The following SLC1A6 variants were observed in gnomAD, a reference collection of about 807,000 sequenced individuals.
The protein encoded by SLC1A6 is solute carrier family 1 member 6.
SLC1A6 carries 15 observed loss-of-function variants against 42.1 expected under a neutral mutation model. That is an observed-to-expected ratio of 0.36 (90% CI 0.24 to 0.55). The LOEUF is 0.55. Among genes scored for constraint, SLC1A6 ranks in the 20% least tolerant of loss-of-function variants. SLC1A6 has a pLI of 0.88. For missense variants in SLC1A6, 542 were observed against 772.5 expected, an observed-to-expected ratio of 0.70 and a Z score of 3.54; for synonymous variants, 317 against 319.7, an observed-to-expected ratio of 0.99 and a Z score of 0.09.
intron 8 of SLC1A6, 77 bp downstream of exon 8, chr19:14,954,058 C>CCACCCCCAA: frequency 1.1e-6 from 1 of 933,880 alleles, no homozygotes; most frequent in Non-Finnish European, 1.6e-6. Flanking sequence ...GCCCCCTCCT[C>CCACCCCCAA]CCTCCCCAAC....
rs189722336 is a variant in SLC1A6 at position 14,960,804 on chromosome 19, C to T, written c.935+1198G>A. ...ATTGGGGAGATGTTGATCAAGGGTA[C>T]AAAATTTCAGTTAAATAGGAGAAAT... On this transcript the variant is annotated intron_variant, in intron 6 of 9. Transcript: ENST00000594383. Among the ~76,000 whole-genome samples the T allele has an allele frequency of 1.1e-4, 17 of 151,982 alleles. No individual in the cohort carries two copies. The East Asian group carries it at 2.5e-3, about 22-fold the overall frequency.
At chr19:15,007,674 G>A (rs1208787106) in intron 1 of SLC1A6, among the ~76,000 whole-genome samples, 1 of 152,094 alleles carries the variant, frequency 6.6e-6, no homozygotes, top group Non-Finnish European at 1.5e-5. Context: ...TACAAGACTA[G>A]CATGCTTCCT....
At chr19:14,986,451 G>C (rs2045793029) in intron 1 of SLC1A6, among the ~76,000 whole-genome samples, 1 of 151,630 alleles carries the variant, frequency 6.6e-6, no homozygotes, top group Non-Finnish European at 1.5e-5. Context: ...GAACCTGGGA[G>C]GTAGAGGTTT....
chr19:14,953,294 G>A (rs565983841), intron 8 of SLC1A6, among the ~76,000 whole-genome samples: 118 of 82,924 alleles, frequency 1.4e-3, no homozygotes, highest in South Asian at 6.4e-3. Context: ...CCCCTGCCTC[G>A]CCTCCTCTCT....
chr19:14,980,775 A>C (rs2045762687), upstream of SLC1A6, among the ~76,000 whole-genome samples: 1 of 152,154 alleles, frequency 6.6e-6, no homozygotes, highest in East Asian at 1.9e-4. Context: ...CTTATATTTA[A>C]TCTACACACT....
chr19:14,965,434 T>C (rs2045563148), intron 4 of SLC1A6, among the ~76,000 whole-genome samples: 1 of 152,166 alleles, frequency 6.6e-6, no homozygotes, highest in Admixed American at 6.5e-5. Flanking sequence ...TGCACACATA[T>C]GTTTATCACA....
chr19:14,950,364 A>G lies in SLC1A6; in HGVS notation c.1526T>C (p.Val509Ala), dbSNP rs2045399151. ...GGCCGCTCCAATTGAGTCCCCCAGT[A>G]CGTTGGTCATTGTGCGAAGCCGGTC... is the stretch of plus-strand genomic sequence containing the variant. ...FLDRLRTMTN[V>A]LGDSIGAAVI... Residue 509 changes from valine (V) to alanine (A), a missense_variant, in exon 10 of 10, where the codon GTA (valine) becomes GCA (alanine). This residue lies in a region of SLC1A6 where 73 missense variants were observed against 85.2 expected (regional missense o/e 0.86). Coordinates refer to ENST00000594383, the MANE Select transcript of SLC1A6 (RefSeq NM_005071.3). 6.3e-7 allele frequency: 1 copy of G among 1,595,478 alleles called. No homozygotes were observed. The highest frequency in any genetic ancestry group is 8.6e-7 in the Non-Finnish European group (1 of 1,167,780).
chr19:14,954,462 C>A, intron 7 of SLC1A6, 133 bp from the exon 8 acceptor site: 3 of 773,540 alleles, frequency 3.9e-6, no homozygotes, highest in Non-Finnish European at 4.3e-6. Context: ...AGGGCGTGAC[C>A]TAGTGGGGTA....
chr19:14,983,585 G>A (rs1030893743), upstream of SLC1A6, among the ~76,000 whole-genome samples: 1 of 151,938 alleles, frequency 6.6e-6, no homozygotes, highest in African/African-American at 2.4e-5. Flanking sequence ...CTACTCAGGA[G>A]GCTGAGGCGG....
chr19:14,953,164 G>A, intron 8 of SLC1A6, 102 bp from the exon 9 acceptor site: 2 of 877,368 alleles, frequency 2.3e-6, no homozygotes. Context: ...GCTCCCCAAG[G>A]CATTTTAAAT....
At chr19:14,955,410 G>C (rs1369119942) in intron 7 of SLC1A6, among the ~76,000 whole-genome samples, 1 of 151,400 alleles carries the variant, frequency 6.6e-6, no homozygotes, top group Non-Finnish European at 1.5e-5. Context: ...GCAAAACCCC[G>C]TCTCTACCAA....
intron 1 of SLC1A6, among the ~76,000 whole-genome samples, chr19:15,003,099 C>T (rs542129587): frequency 6.6e-6 from 1 of 152,242 alleles, no homozygotes; most frequent in East Asian, 1.9e-4. Context: ...ATGACTCAGC[C>T]TCTTGAGTAG....
chr19:14,970,362 C>G (rs2145198991), intron 3 of SLC1A6, among the ~76,000 whole-genome samples: 1 of 152,268 alleles, frequency 6.6e-6, no homozygotes, highest in Non-Finnish European at 1.5e-5. Flanking sequence ...TAAGTCACCT[C>G]ACCTGGCCTG....
At chr19:14,970,522 T>C (rs945229032) in intron 3 of SLC1A6, among the ~76,000 whole-genome samples, 105 of 150,770 alleles carry the variant, frequency 7.0e-4, no homozygotes, top group African/African-American at 2.5e-3. Context: ...CCATCCTGGC[T>C]AGCACGGTGA....
intron 1 of SLC1A6, among the ~76,000 whole-genome samples, chr19:14,998,524 G>C (rs1053525238): frequency 1.3e-5 from 2 of 152,118 alleles, no homozygotes; most frequent in East Asian, 3.8e-4. Context: ...CTGGGCAACA[G>C]AGTGAGACTC....
In SLC1A6 at chr19:14,952,985, G is replaced by A. The variant is rs764061718; in HGVS notation, c.1442C>T (p.Thr481Met). The change falls in exon 9 of 10, where the codon ACG (threonine) becomes ATG (methionine). Residue 481 changes from threonine (T) to methionine (M), a missense_variant. Physicochemically the swap from Thr to Met is moderately conservative, Grantham distance 81. This residue lies in a region of SLC1A6 where 54 missense variants were observed against 125.1 expected (regional missense o/e 0.43). Transcript: ENST00000594383. The part of the protein sequence containing the change: ...AGLVTMVIVL[T>M]SVGLPTEDIT... ...GTCTTCCGTGGGCAAGCCGACCGAC[G>A]TAAGCACAATGACCATGGTGACCAG... The A allele has an allele frequency of 1.3e-5, 21 of 1,614,010 alleles. 1 individual carries two copies. The highest frequency in any genetic ancestry group is 3.3e-5 in the South Asian group (3 of 91,062).
Position 14,996,077 on chromosome 19 carries a change from A to G in SLC1A6, c.6+14408T>C, listed in dbSNP as rs570562191. 1.0e-3 allele frequency among the ~76,000 whole-genome samples: 159 copies of G among 152,358 alleles called. 1 individual carries two copies. The highest frequency in any genetic ancestry group is 3.7e-3 in the African/African-American group (155 of 41,586). ...ATTCAACCAAATCCTATTTATAATC[A>G]ACACTAAATTGTTGGTGAACTGCTT... On this transcript the variant is annotated intron_variant, in intron 1 of 8. Coordinates refer to the SLC1A6 transcript ENST00000430939.
rs147896025 is a variant in SLC1A6, at chr19:15,009,337, G to A, written c.6+1148C>T. On this transcript the variant is annotated intron_variant, in intron 1 of 8. Coordinates refer to the SLC1A6 transcript ENST00000430939. ...TATCACATAGATATCCTATCTACAT[G>A]GCACATATATATAGCATATATGTCA... Among the ~76,000 whole-genome samples the A allele has an allele frequency of 5.5e-3, 735 of 134,396 alleles. 10 individuals are homozygous for A. Among genetic ancestry groups the A allele is most frequent in the African/African-American group, 0.024 (711 of 29,148 alleles). The allele number at this position is 134,396 out of a possible 152,430, so 88.2% of individuals were successfully genotyped here.
At chr19:14,955,956 C>A (rs1383891060) in intron 7 of SLC1A6, among the ~76,000 whole-genome samples, 2 of 151,972 alleles carry the variant, frequency 1.3e-5, no homozygotes, top group African/African-American at 4.8e-5. Flanking sequence ...AAAAAAAATT[C>A]TTCCATCTTT....
Sources: gnomAD v4.1 joint callset for allele counts (sites outside exome capture counted in the v4.1 genomes callset) on GRCh38, gnomAD v4.1.1 for gene constraint, gnomAD v4.1.1 regional missense constraint, MANE v1.5 for transcripts, NCBI Gene and HGNC (gene_info 2026-07-23, HGNC 2026-07-21) for gene names.